Variants in FA2H observed in about 807,000 individuals in gnomAD.
FA2H encodes fatty acid 2-hydroxylase.
A neutral mutation model predicts 44.9 loss-of-function variants in FA2H; 22 were observed. The observed-to-expected ratio is 0.49, with a 90% CI of 0.35 to 0.70. The LOEUF is 0.70. Ranked by LOEUF, FA2H falls within the 30% of genes least tolerant of loss-of-function variation. The pLI is 0.01. For synonymous variants in FA2H, 243 were observed against 213.2 expected, an observed-to-expected ratio of 1.14 and a Z score of -1.22; for missense variants, 501 against 504.9, an observed-to-expected ratio of 0.99 and a Z score of 0.07.
In FA2H at chr16:74,717,380, G is replaced by C. The variant is rs150744043; in HGVS notation, c.787-781C>G. On this transcript the variant is annotated intron_variant, in intron 5 of 6. Coordinates refer to ENST00000219368, the MANE Select transcript of FA2H (RefSeq NM_024306.5). ...CTTCAGACCAGGAACAACAGGACCA[G>C]TGATGTGCTGGAAAACCAGCTCTCA... 2.4e-3 allele frequency among the ~76,000 whole-genome samples: 366 copies of C among 152,330 alleles called. 1 individual carries two copies. The highest frequency in any genetic ancestry group is 8.6e-3 in the African/African-American group (356 of 41,576).
At chr16:74,747,354 GA>G (rs1165506497) in intron 1 of FA2H, among the ~76,000 whole-genome samples, 13 of 121,066 alleles carry the variant, frequency 1.1e-4, no homozygotes, top group Admixed American at 1.0e-3. Flanking sequence ...AAGAAAGAAA[GA>G]AAAGTGACAA....
At chr16:74,749,964 G>A (rs914950206) in intron 1 of FA2H, among the ~76,000 whole-genome samples, 4 of 152,242 alleles carry the variant, frequency 2.6e-5, no homozygotes, top group African/African-American at 9.6e-5. Context: ...GCCAGAGCTT[G>A]TCAGGGTAAA....
intron 1 of FA2H, among the ~76,000 whole-genome samples, chr16:74,766,792 A>AATACTG (rs2144664634): frequency 6.6e-6 from 1 of 152,312 alleles, no homozygotes; most frequent in Non-Finnish European, 1.5e-5. Flanking sequence ...AAACATCAAT[A>AATACTG]ATACCCCAGA....
intron 1 of FA2H, among the ~76,000 whole-genome samples, chr16:74,761,334 T>C (rs544964017): frequency 6.6e-6 from 1 of 151,992 alleles, no homozygotes; most frequent in African/African-American, 2.4e-5. Flanking sequence ...ACACCTGTAA[T>C]CCCAGCTACT....
chr16:74,727,216 C>T (rs1181074260), intron 3 of FA2H, 28 bp downstream of exon 3: 1 of 1,613,796 alleles, frequency 6.2e-7, no homozygotes, highest in South Asian at 1.1e-5. Flanking sequence ...AGAGGGACAG[C>T]CTGCCACAGG....
intron 1 of FA2H, among the ~76,000 whole-genome samples, chr16:74,755,194 G>A (rs2144652486): frequency 6.6e-6 from 1 of 150,798 alleles, no homozygotes; most frequent in South Asian, 2.1e-4. Context: ...GGTGTTGGTG[G>A]GTGGGGATGG....
chr16:74,765,058 C>T (rs144673526), intron 1 of FA2H, among the ~76,000 whole-genome samples: 19 of 152,258 alleles, frequency 1.2e-4, no homozygotes, highest in East Asian at 5.8e-4. Context: ...TGCAAAGAAC[C>T]GAGGACAAAG....
chr16:74,733,996 G>A (rs559927084), intron 2 of FA2H, among the ~76,000 whole-genome samples: 2 of 152,282 alleles, frequency 1.3e-5, no homozygotes, highest in South Asian at 4.1e-4. Flanking sequence ...TGGGCACCAC[G>A]CCCTTCCACC....
chr16:74,724,545 G>A (rs1961909745), intron 4 of FA2H, among the ~76,000 whole-genome samples: 1 of 152,178 alleles, frequency 6.6e-6, no homozygotes, highest in Non-Finnish European at 1.5e-5. Context: ...TCCAGCAGCT[G>A]CACTAGGATC....
chr16:74,713,864 C>A lies in FA2H; in HGVS notation c.*326G>T. 2.9e-6 allele frequency: 1 copy of A among 344,332 alleles called. No individual in the cohort carries two copies. The highest frequency in any genetic ancestry group is 5.5e-6 in the Non-Finnish European group (1 of 181,766). The allele number at this position is 344,332 out of a possible 1,614,324, so 21.3% of individuals were successfully genotyped here. ...AGGGTGACACAGGTGGCCACGAGGGCTCAGTTTTCTTCATTTCCCCTTGCG... is the reference window on the plus strand; with the variant it reads ...AGGGTGACACAGGTGGCCACGAGGGATCAGTTTTCTTCATTTCCCCTTGCG... On this transcript the variant is annotated 3_prime_UTR_variant, in exon 7 of 7. Transcript: ENST00000219368.
At chr16:74,765,022 G>A (rs113579348) in intron 1 of FA2H, among the ~76,000 whole-genome samples, 2,493 of 152,286 alleles carry the variant, frequency 0.016, 27 homozygotes, top group Non-Finnish European at 0.024. Context: ...CCTGCTAAGG[G>A]AGAGGTTTTG....
At chr16:74,738,303 G>A (rs1962220464) in intron 2 of FA2H, among the ~76,000 whole-genome samples, 1 of 152,168 alleles carries the variant, frequency 6.6e-6, no homozygotes, top group Non-Finnish European at 1.5e-5. Context: ...CATGGGGGAG[G>A]AGGGGCCCCT....
chr16:74,727,165 T>C (rs1452009079), intron 3 of FA2H, 79 bp downstream of exon 3: 6 of 1,595,272 alleles, frequency 3.8e-6, no homozygotes, highest in Non-Finnish European at 5.1e-6. Flanking sequence ...AGGGACTCAA[T>C]TGCCCCCTCC....
At chr16:74,722,141 C>T (rs1464766627) in intron 4 of FA2H, among the ~76,000 whole-genome samples, 7 of 148,894 alleles carry the variant, frequency 4.7e-5, no homozygotes, top group Non-Finnish European at 1.0e-4. Context: ...CCTCTGGGCT[C>T]CTTCAGTCTC....
In FA2H at chr16:74,774,786, C is replaced by T. The variant is rs1020127363; in HGVS notation, c.-31G>A. On this transcript the variant is annotated 5_prime_UTR_variant, in exon 1 of 7. Transcript: ENST00000219368. Reference sequence around the variant, plus strand: ...GAGACCGCAGCTCCCAGCGCGCAGCCCGGCGTCTGCTCTGCTGCCACCCTG... The same window carrying T: ...GAGACCGCAGCTCCCAGCGCGCAGCTCGGCGTCTGCTCTGCTGCCACCCTG... The T allele has an allele frequency of 7.8e-7, 1 of 1,276,738 alleles. No homozygotes were observed. Among genetic ancestry groups the T allele is most frequent in the Non-Finnish European group, 9.8e-7 (1 of 1,017,656 alleles). 79.1% of individuals were successfully genotyped at this position (1,276,738 alleles called of 1,614,324 possible).
intron 1 of FA2H, among the ~76,000 whole-genome samples, chr16:74,761,099 C>T (rs1051757562): frequency 6.6e-6 from 1 of 152,048 alleles, no homozygotes; most frequent in Non-Finnish European, 1.5e-5. Context: ...TGCACGTGTA[C>T]CCCTAAAGTT....
rs527421775 is a variant in FA2H at position 74,774,524 on chromosome 16, C to T, written c.232G>A (p.Glu78Lys). Residue 78 changes from glutamate (E) to lysine (K), a missense_variant, in exon 1 of 7, where the codon GAG (glutamate) becomes AAG (lysine). Glu to Lys is a moderately conservative substitution (Grantham distance 56). Coordinates refer to ENST00000219368, the MANE Select transcript of FA2H (RefSeq NM_024306.5). ...CGGAGCTCTCCCACGTAGTACTGCT[C>T]CAGCCAGCGGCGCGCGTTGGCCGAG... is the stretch of plus-strand genomic sequence containing the variant. ...RHSANARRWL[E>K]QYYVGELRGE... 557 of 1,551,336 alleles carry T rather than the reference C, an allele frequency of 3.6e-4. No individual in the cohort carries two copies. Among genetic ancestry groups the T allele is most frequent in the South Asian group, 4.6e-4 (38 of 82,958 alleles).
chr16:74,715,831 T>A (rs1306886272), intron 6 of FA2H, among the ~76,000 whole-genome samples: 5 of 151,488 alleles, frequency 3.3e-5, no homozygotes, highest in African/African-American at 1.2e-4. Flanking sequence ...TTTTTTTTTT[T>A]TATAGACAGA....
At chr16:74,753,766 C>T (rs1213059477) in intron 1 of FA2H, among the ~76,000 whole-genome samples, 2 of 152,198 alleles carry the variant, frequency 1.3e-5, no homozygotes, top group African/African-American at 2.4e-5. Flanking sequence ...CCTTATCCTT[C>T]TAGGACAATG....
Sources: gnomAD v4.1 joint callset for allele counts (sites outside exome capture counted in the v4.1 genomes callset) on GRCh38, gnomAD v4.1.1 for gene constraint, MANE v1.5 for transcripts, NCBI Gene and HGNC (gene_info 2026-07-23, HGNC 2026-07-21) for gene names.